The following PC variants were observed in gnomAD, a reference collection of about 807,000 sequenced individuals.
The protein encoded by PC is pyruvate carboxylase.
A neutral mutation model predicts 107.8 loss-of-function variants in PC; 46 were observed. The observed-to-expected ratio is 0.43, with a 90% CI of 0.34 to 0.55. The LOEUF (loss-of-function observed/expected upper bound fraction) is 0.55. Among genes scored for constraint, PC ranks in the 20% least tolerant of loss-of-function variants. PC has a pLI of 0.04. For synonymous variants in PC, 662 were observed against 684.7 expected (o/e 0.97, Z 0.52); for missense variants, 1,241 against 1,643.1 (o/e 0.76, Z 4.23).
chr11:66,953,748 T>C (rs1949491061), intron 2 of PC, among the ~76,000 whole-genome samples: 1 of 152,140 alleles, frequency 6.6e-6, no homozygotes. Context: ...AGCAAGTTGT[T>C]AGGGGCTGGT....
chr11:66,886,233 T>C (rs1399287812), intron 3 of PC, among the ~76,000 whole-genome samples: 1 of 147,510 alleles, frequency 6.8e-6, no homozygotes, highest in Non-Finnish European at 1.5e-5. Flanking sequence ...GGGGAGGAGG[T>C]CCAGGTGCTG....
intron 12 of PC, chr11:66,860,542 G>A: frequency 2.8e-6 from 2 of 702,032 alleles, no homozygotes; most frequent in Middle Eastern, 2.6e-4. Context: ...GGCCGCTGGT[G>A]GCACACGGAC....
chr11:66,853,217 G>A (rs927662193), intron 13 of PC, 22 bp downstream of exon 13: 10 of 1,612,102 alleles, frequency 6.2e-6, no homozygotes, highest in African/African-American at 1.3e-5. Flanking sequence ...GGAGGGCAGG[G>A]CAGGGCAGTC....
intron 3 of PC, among the ~76,000 whole-genome samples, chr11:66,925,889 A>C (rs1332670765): frequency 6.6e-6 from 1 of 152,020 alleles, no homozygotes; most frequent in Non-Finnish European, 1.5e-5. Flanking sequence ...CCCTCCGTTC[A>C]GGGTTCCTGA....
chr11:66,909,820 G>A (rs571019041), intron 3 of PC, among the ~76,000 whole-genome samples: 4 of 152,244 alleles, frequency 2.6e-5, no homozygotes, highest in East Asian at 3.9e-4. Flanking sequence ...GAGGACCGGC[G>A]GGAAGGGAAA....
At chr11:66,926,115 G>C (rs1304833238) in intron 3 of PC, among the ~76,000 whole-genome samples, 1 of 152,130 alleles carries the variant, frequency 6.6e-6, no homozygotes, top group African/African-American at 2.4e-5. Context: ...TGTGATAAAG[G>C]CCACTGTCCA....
chr11:66,871,066 C>T lies in PC; in HGVS notation c.619G>A (p.Val207Met). 1.9e-6 allele frequency: 3 copies of T among 1,614,082 alleles called. No individual in the cohort carries two copies. The highest frequency in any genetic ancestry group is 2.5e-6 in the Non-Finnish European group (3 of 1,180,002). ...YGGGGRGMRVVHSYEELEENY... is the reference protein window; with the variant it reads ...YGGGGRGMRVMHSYEELEENY... Reference sequence around the variant, plus strand: ...TCTTCACTCACCTCGTAGCTGTGCACCACCCTCATGCCACGCCCTCCACCC... The same window carrying T: ...TCTTCACTCACCTCGTAGCTGTGCATCACCCTCATGCCACGCCCTCCACCC... The change falls in exon 7 of 23, where the codon GTG (valine) becomes ATG (methionine). Residue 207 changes from valine (V) to methionine (M), a missense_variant. Coordinates refer to ENST00000393960, the MANE Select transcript of PC (RefSeq NM_001040716.2). This position sits in a 1 kb window ranked among gnomAD's most constrained non-coding sequence, Gnocchi z 7.4.
rs1003532375 is a variant in PC at position 66,849,382 on chromosome 11, G to A, written c.3148-12C>T. 1 of 1,612,092 alleles carries A rather than the reference G, an allele frequency of 6.2e-7. No homozygotes were observed. Among genetic ancestry groups the A allele is most frequent in the African/African-American group, 1.3e-5 (1 of 75,032 alleles). On this transcript the variant is annotated splice_polypyrimidine_tract_variant and intron_variant, in intron 21 of 22. Coordinates refer to ENST00000393960, the MANE Select transcript of PC (RefSeq NM_001040716.2). Reference sequence around the variant, plus strand: ...CGCTCCAGCTCCACCTGCAGGGAGGGTGTGCAGACTCAGAGCTGGACGCCA... The same window carrying A: ...CGCTCCAGCTCCACCTGCAGGGAGGATGTGCAGACTCAGAGCTGGACGCCA...
intron 3 of PC, among the ~76,000 whole-genome samples, chr11:66,926,962 T>C (rs1388725897): frequency 1.3e-5 from 2 of 151,572 alleles, no homozygotes; most frequent in Non-Finnish European, 2.9e-5. Context: ...CATTGGTTGA[T>C]GAACATCTGG....
At chr11:66,908,690 T>C (rs1432992863) in intron 3 of PC, among the ~76,000 whole-genome samples, 1 of 152,146 alleles carries the variant, frequency 6.6e-6, no homozygotes, top group Admixed American at 6.6e-5. Flanking sequence ...AGGTCTTGCA[T>C]GGTTCGGCGC....
chr11:66,929,272 G>A (rs2136107927), intron 3 of PC, among the ~76,000 whole-genome samples: 1 of 152,250 alleles, frequency 6.6e-6, no homozygotes, highest in East Asian at 1.9e-4. Flanking sequence ...TGTGGTGCTG[G>A]CAGCCTTACT....
At chr11:66,924,633 A>G (rs1252858935) in intron 3 of PC, among the ~76,000 whole-genome samples, 6 of 151,940 alleles carry the variant, frequency 3.9e-5, no homozygotes, top group Admixed American at 2.0e-4. Context: ...TATAGATACA[A>G]AAAATTAGCA....
At chr11:66,865,191 T>G (rs1442575472) in intron 11 of PC, among the ~76,000 whole-genome samples, 1 of 152,178 alleles carries the variant, frequency 6.6e-6, no homozygotes, top group Non-Finnish European at 1.5e-5. Flanking sequence ...GCTCTGCTGC[T>G]TCCAGAATCC....
chr11:66,859,402 C>T (rs569045830), intron 12 of PC, among the ~76,000 whole-genome samples: 1 of 152,318 alleles, frequency 6.6e-6, no homozygotes, highest in South Asian at 2.1e-4. Flanking sequence ...CGTGTTATTT[C>T]TGCCTCTGCT....
At chr11:66,869,786 T>C (rs548196574) in intron 9 of PC, among the ~76,000 whole-genome samples, 124 of 152,170 alleles carry the variant, frequency 8.1e-4, no homozygotes, top group African/African-American at 2.6e-3. Flanking sequence ...TGTGGGGAGA[T>C]AGCTTGCCAC....
intron 3 of PC, among the ~76,000 whole-genome samples, chr11:66,937,494 G>A (rs901427861): frequency 3.3e-5 from 5 of 152,150 alleles, no homozygotes; most frequent in Non-Finnish European, 7.4e-5. Flanking sequence ...TCCTGAGTGG[G>A]TAGGTTACTG....
chr11:66,848,911 C>T lies in PC; in HGVS notation c.3525G>A (p.Leu1175=). The change falls in exon 23 of 23, where the codon CTG becomes CTA. Residue 1175 remains leucine, a synonymous_variant. Transcript: ENST00000393960. ...GTCTGGGGCAAGATCACTCGATCTC[C>T]AGGATGAGGTCGTCACCTTCCAGTG... The part of the protein sequence containing the change: ...DMTLEGDDLI[L]EIE 1 of 1,613,854 alleles carries T rather than the reference C, an allele frequency of 6.2e-7. No homozygotes were observed.
chr11:66,936,182 A>T (rs1220902354), intron 3 of PC, among the ~76,000 whole-genome samples: 1 of 151,412 alleles, frequency 6.6e-6, no homozygotes, highest in Non-Finnish European at 1.5e-5. Context: ...CAGGAGGTGG[A>T]GGCTACAGTG....
chr11:66,866,428 C>A lies in PC; in HGVS notation c.1023-79G>T. On this transcript the variant is annotated intron_variant, in intron 10 of 22. Transcript: ENST00000393960. This position sits in a 1 kb window ranked among gnomAD's most constrained non-coding sequence, Gnocchi z 5.4. Reference sequence around the variant, plus strand: ...GGCGGGGGATAGACGAGGGGCACCGCAGCCAGTGGGGCGTCCACACACAGT... The same window carrying A: ...GGCGGGGGATAGACGAGGGGCACCGAAGCCAGTGGGGCGTCCACACACAGT... The A allele has an allele frequency of 9.2e-7, 1 of 1,081,482 alleles. No individual in the cohort carries two copies. The highest frequency in any genetic ancestry group is 1.4e-6 in the Non-Finnish European group (1 of 730,220). 67.0% of individuals were successfully genotyped at this position (1,081,482 alleles called of 1,614,324 possible).
Sources: allele counts gnomAD v4.1 joint callset (sites outside exome capture counted in the v4.1 genomes callset), GRCh38; gene constraint gnomAD v4.1.1; non-coding constraint Gnocchi (gnomAD v3.1); transcripts MANE v1.5; gene names NCBI Gene and HGNC (gene_info 2026-07-23, HGNC 2026-07-21).